The following DENND1A variants were observed in gnomAD, a reference collection of about 807,000 sequenced individuals.
DENND1A encodes DENN domain containing 1A.
In DENND1A, 51 loss-of-function variants were observed where a neutral mutation model predicts 113.7. The observed-to-expected ratio is 0.45, with a 90% CI of 0.36 to 0.57. The LOEUF (loss-of-function observed/expected upper bound fraction) is 0.57. Ranked by LOEUF, DENND1A falls within the 20% of genes least tolerant of loss-of-function variation. DENND1A has a pLI of 0.00. For missense variants in DENND1A, 1,258 were observed against 1,395.9 expected, an observed-to-expected ratio of 0.90 and a Z score of 1.57; for synonymous variants, 565 against 570.8, an observed-to-expected ratio of 0.99 and a Z score of 0.14.
At chr9:123,401,325 A>G (rs2043443938) in intron 21 of DENND1A, 4 of 221,136 alleles carry the variant, frequency 1.8e-5, no homozygotes, top group South Asian at 1.5e-4. Context: ...TGGCATTTGG[A>G]AGGGGCGGAG....
At chr9:123,524,339 A>G (rs1035951093) in intron 13 of DENND1A, among the ~76,000 whole-genome samples, 1 of 152,238 alleles carries the variant, frequency 6.6e-6, no homozygotes. Flanking sequence ...ACCTCTTTCA[A>G]TGATATCTGC....
chr9:123,613,689 A>G (rs895299558), intron 10 of DENND1A, among the ~76,000 whole-genome samples: 1 of 152,266 alleles, frequency 6.6e-6, no homozygotes, highest in African/African-American at 2.4e-5. Context: ...AGAACCAACA[A>G]TGCACATAAT....
chr9:123,743,689 G>A (rs534183096), intron 5 of DENND1A, among the ~76,000 whole-genome samples: 4 of 151,108 alleles, frequency 2.6e-5, no homozygotes, highest in South Asian at 2.1e-4. Flanking sequence ...CTGAGACCAC[G>A]CAATTGCACT....
At chr9:123,600,703 C>T (rs2059902353) in intron 11 of DENND1A, among the ~76,000 whole-genome samples, 1 of 152,068 alleles carries the variant, frequency 6.6e-6, no homozygotes, top group Admixed American at 6.6e-5. Context: ...TGGTGGTGCA[C>T]ACCTGTAGTC....
Position 123,381,897 on chromosome 9 carries a change from G to A in DENND1A, c.2748C>T (p.Phe916=), listed in dbSNP as rs1311525147. The part of the protein sequence containing the change: ...LPLVSTPAGP[F]GAPPASLGPA... ...GCCCCAGGGAAGCTGGAGGGGCCCC[G>A]AAAGGCCCGGCTGGTGTGGAGACCA... The change falls in exon 24 of 24, where the codon TTC becomes TTT. Residue 916 remains phenylalanine, a synonymous_variant. Transcript: ENST00000394215. This position sits in a 1 kb window ranked among gnomAD's most constrained non-coding sequence, Gnocchi z 4.7. The A allele has an allele frequency of 3.0e-5, 35 of 1,172,232 alleles. No homozygotes were observed. Among genetic ancestry groups the A allele is most frequent in the Non-Finnish European group, 3.1e-5 (29 of 924,048 alleles). 72.6% of individuals were successfully genotyped at this position (1,172,232 alleles called of 1,614,324 possible).
intron 11 of DENND1A, among the ~76,000 whole-genome samples, chr9:123,593,405 C>T (rs937704480): frequency 6.6e-6 from 1 of 152,138 alleles, no homozygotes; most frequent in Admixed American, 6.5e-5. Flanking sequence ...CAAGACAGCA[C>T]CCAAGGCAGC....
intron 19 of DENND1A, among the ~76,000 whole-genome samples, chr9:123,420,257 T>C (rs2045142354): frequency 6.6e-6 from 1 of 152,102 alleles, no homozygotes; most frequent in Non-Finnish European, 1.5e-5. Flanking sequence ...GAGGCTCTAT[T>C]ATGATTGCCG....
At chr9:123,674,916 A>G (rs914424267) in intron 6 of DENND1A, among the ~76,000 whole-genome samples, 1 of 151,186 alleles carries the variant, frequency 6.6e-6, no homozygotes, top group Non-Finnish European at 1.5e-5. Context: ...ACCTGTTAAG[A>G]GCCTACATAT....
chr9:123,476,172 G>A (rs961591347), intron 13 of DENND1A, among the ~76,000 whole-genome samples: 4 of 151,100 alleles, frequency 2.6e-5, no homozygotes, highest in Non-Finnish European at 5.9e-5. Context: ...TGACAGAGAG[G>A]GACCACATCT....
chr9:123,464,611 G>A (rs747424656), intron 13 of DENND1A, among the ~76,000 whole-genome samples: 5 of 152,108 alleles, frequency 3.3e-5, no homozygotes, highest in Admixed American at 6.6e-5. Context: ...AATGGGTACT[G>A]AGTTTCGGTT....
chr9:123,382,790 G>A lies in DENND1A; in HGVS notation c.2020-165C>T, dbSNP rs114127077. Among the ~76,000 whole-genome samples the A allele has an allele frequency of 3.9e-3, 589 of 152,370 alleles. 4 individuals carry two copies. The highest frequency in any genetic ancestry group is 0.013 in the African/African-American group (558 of 41,584). ...TGAGGGCTCCCCCAGGTTACCAGCA[G>A]AGGACCCACGTGTGCTGGGACTCCA... is the stretch of plus-strand genomic sequence containing the variant. On this transcript the variant is annotated intron_variant, in intron 23 of 23. Coordinates refer to ENST00000394215, the MANE Select transcript of DENND1A (RefSeq NM_001352964.2).
chr9:123,386,399 A>T (rs1167216395), intron 22 of DENND1A, among the ~76,000 whole-genome samples: 5 of 62,244 alleles, frequency 8.0e-5, no homozygotes, highest in Non-Finnish European at 1.5e-4. Context: ...TTTTTTTTTT[A>T]AAGGCAGAGT....
At chr9:123,651,385 T>C (rs56126902) in intron 9 of DENND1A, among the ~76,000 whole-genome samples, 8,052 of 152,284 alleles carry the variant, frequency 0.053, 685 homozygotes, top group African/African-American at 0.18. Flanking sequence ...CCTGAGCACA[T>C]GCACGTACAC....
intron 15 of DENND1A, among the ~76,000 whole-genome samples, chr9:123,456,563 C>T (rs138718152): frequency 6.6e-6 from 1 of 152,198 alleles, no homozygotes; most frequent in Non-Finnish European, 1.5e-5. Context: ...GTAATCCCAG[C>T]ACTTTGAGAG....
chr9:123,605,532 T>C (rs1318808358), intron 11 of DENND1A, among the ~76,000 whole-genome samples: 2 of 152,242 alleles, frequency 1.3e-5, no homozygotes, highest in Admixed American at 6.5e-5. Flanking sequence ...TCTATGCCAA[T>C]ACCCTTGGCT....
At chr9:123,721,820 C>T (rs563169405) in intron 5 of DENND1A, among the ~76,000 whole-genome samples, 1 of 152,154 alleles carries the variant, frequency 6.6e-6, no homozygotes, top group Non-Finnish European at 1.5e-5. Context: ...TCCATTAAAC[C>T]TCTTTTTCTT....
At chr9:123,903,422 A>G (rs139442658) in intron 1 of DENND1A, among the ~76,000 whole-genome samples, 5,661 of 151,122 alleles carry the variant, frequency 0.037, 111 homozygotes, top group Middle Eastern at 0.048. Flanking sequence ...CGTGAGCAAC[A>G]CAGAAGATGG....
At chr9:123,524,019 G>A (rs2054605320) in intron 13 of DENND1A, among the ~76,000 whole-genome samples, 1 of 152,206 alleles carries the variant, frequency 6.6e-6, no homozygotes, top group Non-Finnish European at 1.5e-5. Context: ...GATGACTGGA[G>A]CATGTGGTAT....
Position 123,652,020 on chromosome 9 carries a change from A to G in DENND1A, c.611T>C (p.Leu204Pro). The change falls in exon 9 of 24, where the codon CTC becomes CCC. Residue 204 changes from leucine (L) to proline (P), a missense_variant. Leu to Pro is a moderately conservative substitution (Grantham distance 98, BLOSUM62 -3). Around this residue, in one of 2 missense-constraint regions of DENND1A, gnomAD observed 1,159 missense variants for 1,231.7 expected, o/e 0.94. Coordinates refer to ENST00000394215, the MANE Select transcript of DENND1A (RefSeq NM_001352964.2). The stretch of plus-strand genomic sequence containing the variant: ...TTAAGACTGTCTACTCACAGTGCTG[A>G]GTTTGCTGCAAATGATGAGTATCCG... ...ERRILIICSK[L>P]STLTACIHGS... 1 of 1,613,984 alleles carries G rather than the reference A, an allele frequency of 6.2e-7. No individual in the cohort carries two copies. Among genetic ancestry groups the G allele is most frequent in the Non-Finnish European group, 8.5e-7 (1 of 1,179,914 alleles).
Sources: allele counts gnomAD v4.1 joint callset (sites outside exome capture counted in the v4.1 genomes callset), GRCh38; gene constraint gnomAD v4.1.1; regional missense constraint gnomAD v4.1.1; non-coding constraint Gnocchi (gnomAD v3.1); transcripts MANE v1.5; gene names NCBI Gene and HGNC (gene_info 2026-07-23, HGNC 2026-07-21).